The following TMTC1 variants were observed in gnomAD, a reference collection of about 807,000 sequenced individuals.
TMTC1 encodes protein O-mannosyl-transferase TMTC1.
In TMTC1, 73 loss-of-function variants were observed where a neutral mutation model predicts 104.8. That is an observed-to-expected ratio of 0.70 (90% confidence interval 0.58 to 0.85). The LOEUF (loss-of-function observed/expected upper bound fraction) is 0.85. TMTC1 is among the 40% of genes least tolerant of loss of function. The pLI is 0.00. For synonymous variants in TMTC1, 434 were observed against 428.7 expected, an observed-to-expected ratio of 1.01 and a Z score of -0.15; for missense variants, 1,035 against 1,096.1, an observed-to-expected ratio of 0.94 and a Z score of 0.79.
intron 6 of TMTC1, among the ~76,000 whole-genome samples, chr12:29,631,971 A>G (rs1363263673): frequency 6.6e-6 from 1 of 152,198 alleles, no homozygotes; most frequent in Non-Finnish European, 1.5e-5. Flanking sequence ...TGAAGAATGG[A>G]TTCAAACTTG....
intron 10 of TMTC1, among the ~76,000 whole-genome samples, chr12:29,543,700 T>A (rs1334607178): frequency 6.6e-6 from 1 of 152,254 alleles, no homozygotes; most frequent in Non-Finnish European, 1.5e-5. Context: ...CTGACTGAGA[T>A]GATCTTTACA....
chr12:29,613,832 C>T, intron 6 of TMTC1: 1 of 518,580 alleles, frequency 1.9e-6, no homozygotes, highest in Non-Finnish European at 2.5e-6. Flanking sequence ...CAAAGTCTTC[C>T]AAAGCAGGAT....
At chr12:29,727,155 G>A (rs1363631388) in intron 5 of TMTC1, among the ~76,000 whole-genome samples, 1 of 152,180 alleles carries the variant, frequency 6.6e-6, no homozygotes, top group African/African-American at 2.4e-5. Context: ...GATTTATTGA[G>A]TCTGTACTAT....
At chr12:29,711,040 T>C (rs1268282239) in intron 5 of TMTC1, among the ~76,000 whole-genome samples, 1 of 150,004 alleles carries the variant, frequency 6.7e-6, no homozygotes, top group Non-Finnish European at 1.5e-5. Flanking sequence ...TGGAGTGCAG[T>C]GGTGCAATCA....
At chr12:29,639,798 T>C (rs1938745236) in intron 5 of TMTC1, among the ~76,000 whole-genome samples, 2 of 152,098 alleles carry the variant, frequency 1.3e-5, no homozygotes, top group Non-Finnish European at 2.9e-5. Context: ...AATTCAGCAA[T>C]GAGAATGAAT....
chr12:29,734,409 C>T (rs77112084), intron 5 of TMTC1, among the ~76,000 whole-genome samples: 2,119 of 152,282 alleles, frequency 0.014, 22 homozygotes, highest in Non-Finnish European at 0.02. Context: ...GAACTCCTGA[C>T]CCTTCCCGGA....
At chr12:29,773,364 G>A (rs1183621238) in intron 1 of TMTC1, among the ~76,000 whole-genome samples, 3 of 152,130 alleles carry the variant, frequency 2.0e-5, no homozygotes, top group Admixed American at 6.5e-5. Context: ...TGGAGCTTAA[G>A]ATAAACCCCA....
chr12:29,687,205 C>G (rs184894034), intron 5 of TMTC1, among the ~76,000 whole-genome samples: 1 of 152,294 alleles, frequency 6.6e-6, no homozygotes, highest in African/African-American at 2.4e-5. Flanking sequence ...GAAATAGCTT[C>G]ACAGTAGAGA....
rs76511929 is a variant in TMTC1 at position 29,596,666 on chromosome 12, C to G, written c.1250+7512G>C. ...TGAGCTTTTAACTGAAAATGCACATCAACCTTTCTCCTAGGTTTTGAGTTG... is the reference window on the plus strand; with the variant it reads ...TGAGCTTTTAACTGAAAATGCACATGAACCTTTCTCCTAGGTTTTGAGTTG... On this transcript the variant is annotated intron_variant, in intron 7 of 17. Coordinates refer to ENST00000539277, the MANE Select transcript of TMTC1 (RefSeq NM_001193451.2). 2.3e-3 allele frequency among the ~76,000 whole-genome samples: 347 copies of G among 152,328 alleles called. 2 individuals are homozygous for G. The highest frequency in any genetic ancestry group is 0.01 in the Middle Eastern group (3 of 294).
chr12:29,610,762 C>T (rs1011974944), intron 6 of TMTC1, among the ~76,000 whole-genome samples: 1 of 152,154 alleles, frequency 6.6e-6, no homozygotes, highest in Non-Finnish European at 1.5e-5. Context: ...CGGAAAGGTG[C>T]CATTTACATT....
chr12:29,551,641 C>T (rs1471886996), intron 10 of TMTC1, among the ~76,000 whole-genome samples: 1 of 152,058 alleles, frequency 6.6e-6, no homozygotes, highest in Non-Finnish European at 1.5e-5. Flanking sequence ...TAATAAACAC[C>T]AACAGCTATT....
chr12:29,548,423 ATGT>A (rs1261929270), intron 10 of TMTC1, among the ~76,000 whole-genome samples: 1 of 152,060 alleles, frequency 6.6e-6, no homozygotes, highest in East Asian at 1.9e-4. Flanking sequence ...TAATCCCCAC[ATGT>A]TGTGAGAGGG....
At chr12:29,641,672 A>C (rs114446753) in intron 5 of TMTC1, among the ~76,000 whole-genome samples, 2,844 of 152,218 alleles carry the variant, frequency 0.019, 99 homozygotes, top group African/African-American at 0.064. Context: ...ATAATATGAC[A>C]AAACAAGGCT....
intron 9 of TMTC1, among the ~76,000 whole-genome samples, chr12:29,559,403 A>G (rs1226364502): frequency 6.6e-6 from 1 of 152,202 alleles, no homozygotes; most frequent in Non-Finnish European, 1.5e-5. Flanking sequence ...ACAGCCATGT[A>G]TTTCAAAGGT....
intron 5 of TMTC1, among the ~76,000 whole-genome samples, chr12:29,666,633 G>A (rs1222155801): frequency 6.6e-6 from 1 of 152,074 alleles, no homozygotes; most frequent in Non-Finnish European, 1.5e-5. Context: ...AGTTGGAAGA[G>A]AAAAACCACT....
chr12:29,600,008 A>ATATTT (rs59108744), intron 7 of TMTC1, among the ~76,000 whole-genome samples: 6 of 118,666 alleles, frequency 5.1e-5, no homozygotes, highest in Non-Finnish European at 8.2e-5. Flanking sequence ...ATATATATAT[A>ATATTT]TTTTTTTTTT....
intron 5 of TMTC1, among the ~76,000 whole-genome samples, chr12:29,740,127 C>T (rs1411179923): frequency 6.6e-6 from 1 of 152,282 alleles, no homozygotes; most frequent in African/African-American, 2.4e-5. Flanking sequence ...AGTGATCCTG[C>T]CCCAGCCTCC....
chr12:29,643,690 ATT>A (rs1491422302), intron 5 of TMTC1, among the ~76,000 whole-genome samples: 1 of 9,244 alleles, frequency 1.1e-4, no homozygotes, highest in Non-Finnish European at 1.7e-4. Context: ...TATTATATAT[ATT>A]ATATATATTA....
chr12:29,758,699 C>T lies in TMTC1; in HGVS notation c.554+5G>A, dbSNP rs1943273007. On this transcript the variant is annotated splice_donor_5th_base_variant and intron_variant, in intron 3 of 17. Coordinates refer to ENST00000539277, the MANE Select transcript of TMTC1 (RefSeq NM_001193451.2). ...ACAGAGAAGGGCATTCTTAGCTACA[C>T]ATACCTGTTGTACGAGAGAAAGGCC... 1 of 1,613,224 alleles carries T rather than the reference C, an allele frequency of 6.2e-7. No homozygotes were observed. The highest frequency in any genetic ancestry group is 1.7e-5 in the Admixed American group (1 of 59,886).
Sources: allele counts gnomAD v4.1 joint callset (sites outside exome capture counted in the v4.1 genomes callset), GRCh38; gene constraint gnomAD v4.1.1; transcripts MANE v1.5; gene names NCBI Gene and HGNC (gene_info 2026-07-23, HGNC 2026-07-21).